GRK3: variants seen among roughly 807,000 people sequenced by gnomAD.
The protein encoded by GRK3 is G protein-coupled receptor kinase 3, also known as adrenergic, beta, receptor kinase 2.
Under a neutral mutation model 95.7 loss-of-function variants are expected in GRK3, and 54 were observed. The ratio of observed to expected loss-of-function variants is 0.56; its 90% CI spans 0.45 to 0.71. GRK3 has a LOEUF of 0.71. Ranked by LOEUF, GRK3 falls within the 30% of genes least tolerant of loss-of-function variation. The pLI, the probability that GRK3 is intolerant of heterozygous loss-of-function variation, is 0.00. For missense variants in GRK3, 649 were observed against 851.2 expected (o/e 0.76, Z 2.96); for synonymous variants, 281 against 290.8 (o/e 0.97, Z 0.34).
At chr22:25,683,664 G>A (rs1433530790) in intron 9 of GRK3, among the ~76,000 whole-genome samples, 5 of 152,180 alleles carry the variant, frequency 3.3e-5, no homozygotes, top group African/African-American at 1.2e-4. Flanking sequence ...TGGGGGCTAT[G>A]TGGTATCCTC....
At chr22:25,677,430 A>T (rs567792187) in intron 8 of GRK3, among the ~76,000 whole-genome samples, 1 of 151,408 alleles carries the variant, frequency 6.6e-6, no homozygotes, top group Non-Finnish European at 1.5e-5. Flanking sequence ...AAAGAAATCA[A>T]CTCCACATGG....
chr22:25,690,186 T>C lies in GRK3; in HGVS notation c.958-3T>C. On this transcript the variant is annotated splice_region_variant and splice_polypyrimidine_tract_variant and intron_variant, in intron 11 of 20. Transcript: ENST00000324198. ...TATTAAAGATTATTCTCTTTCTGTT[T>C]AGCCAGCAAATATTCTCTTGGATGA... The C allele has an allele frequency of 6.2e-7, 1 of 1,612,316 alleles. No individual in the cohort carries two copies. Among genetic ancestry groups the C allele is most frequent in the South Asian group, 1.1e-5 (1 of 90,946 alleles).
At chr22:25,662,096 A>AT (rs879283766) in intron 4 of GRK3, among the ~76,000 whole-genome samples, 7 of 152,184 alleles carry the variant, frequency 4.6e-5, no homozygotes, top group Admixed American at 6.5e-5. Flanking sequence ...CATTGTGTTA[A>AT]TTTTGTCCAT....
At chr22:25,579,719 G>A (rs1048781841) in intron 1 of GRK3, among the ~76,000 whole-genome samples, 1 of 151,860 alleles carries the variant, frequency 6.6e-6, no homozygotes, top group Non-Finnish European at 1.5e-5. Flanking sequence ...TGATCTGCCC[G>A]CCTCAGCCTC....
chr22:25,625,397 G>A (rs572314218), intron 2 of GRK3, among the ~76,000 whole-genome samples: 4 of 152,314 alleles, frequency 2.6e-5, no homozygotes, highest in Admixed American at 6.5e-5. Flanking sequence ...ACAAGAGTGC[G>A]AACTTTCTGT....
chr22:25,688,880 T>A (rs904100088), intron 11 of GRK3, among the ~76,000 whole-genome samples: 2 of 152,264 alleles, frequency 1.3e-5, no homozygotes, highest in Non-Finnish European at 1.5e-5. Flanking sequence ...ATGATGGGAC[T>A]GACAATTTGC....
At chr22:25,702,309 G>A (rs1211543915) in intron 13 of GRK3, among the ~76,000 whole-genome samples, 3 of 152,334 alleles carry the variant, frequency 2.0e-5, no homozygotes, top group East Asian at 3.9e-4. Context: ...GTAGCAGTAA[G>A]TAGCAGTGCA....
chr22:25,663,860 C>T (rs1027770376), intron 5 of GRK3, among the ~76,000 whole-genome samples, 156 bp downstream of exon 5: 14 of 152,170 alleles, frequency 9.2e-5, no homozygotes, highest in African/African-American at 2.2e-4. Flanking sequence ...AGTTTATTAT[C>T]GCTTATCTTC....
At chr22:25,647,044 GAAAAA>G (rs1363706198) in intron 3 of GRK3, among the ~76,000 whole-genome samples, 7 of 124,288 alleles carry the variant, frequency 5.6e-5, no homozygotes, top group Admixed American at 3.1e-4. Context: ...AAAAAAAAAA[GAAAAA>G]GAAAAAAAAT....
Position 25,629,542 on chromosome 22 carries a change from T to C in GRK3, c.191-15050T>C, listed in dbSNP as rs534643092. On this transcript the variant is annotated intron_variant, in intron 2 of 20. Coordinates refer to ENST00000324198, the MANE Select transcript of GRK3 (RefSeq NM_005160.4). ...GCCATTAAGAAATCACTGTGATGACTTCGATGTCTTTTCTCCCAACTCTAT... is the reference window on the plus strand; with the variant it reads ...GCCATTAAGAAATCACTGTGATGACCTCGATGTCTTTTCTCCCAACTCTAT... Among the ~76,000 whole-genome samples the C allele has an allele frequency of 3.3e-3, 497 of 152,354 alleles. 3 individuals are homozygous for C. The highest frequency in any genetic ancestry group is 6.1e-3 in the Non-Finnish European group (418 of 68,030).
chr22:25,682,385 C>G (rs902516417), intron 9 of GRK3, among the ~76,000 whole-genome samples: 1 of 152,018 alleles, frequency 6.6e-6, no homozygotes, highest in Non-Finnish European at 1.5e-5. Context: ...CATGGAGGCT[C>G]GGAGATAGGG....
chr22:25,641,433 C>G (rs2084742050), intron 2 of GRK3, among the ~76,000 whole-genome samples: 1 of 152,174 alleles, frequency 6.6e-6, no homozygotes, highest in Non-Finnish European at 1.5e-5. Flanking sequence ...AGTCAATGCT[C>G]TTGTGCAAAT....
chr22:25,636,619 A>G (rs2084703357), intron 2 of GRK3, among the ~76,000 whole-genome samples: 1 of 152,192 alleles, frequency 6.6e-6, no homozygotes, highest in African/African-American at 2.4e-5. Context: ...TTTAATTCTG[A>G]TAAATGTATT....
intron 3 of GRK3, among the ~76,000 whole-genome samples, chr22:25,647,020 C>CAA (rs1025786169): frequency 0.011 from 578 of 51,688 alleles, 13 homozygotes; most frequent in African/African-American, 0.02. Flanking sequence ...GACTTTGTCT[C>CAA]AAAAAAAAAA....
chr22:25,597,442 A>G (rs1375886922), intron 1 of GRK3, among the ~76,000 whole-genome samples: 1 of 152,220 alleles, frequency 6.6e-6, no homozygotes, highest in African/African-American at 2.4e-5. Context: ...GAAGGAGAAC[A>G]TTGAATGTTC....
At chr22:25,600,325 A>T (rs1375777804) in intron 1 of GRK3, among the ~76,000 whole-genome samples, 3 of 152,064 alleles carry the variant, frequency 2.0e-5, no homozygotes, top group African/African-American at 7.2e-5. Context: ...TTTGTAGTAA[A>T]GACAGGGTTT....
intron 5 of GRK3, among the ~76,000 whole-genome samples, chr22:25,666,623 C>T (rs2084943710): frequency 6.6e-6 from 1 of 152,092 alleles, no homozygotes; most frequent in East Asian, 1.9e-4. Flanking sequence ...AGCGTCCTTT[C>T]TGCTTGCAGG....
intron 2 of GRK3, among the ~76,000 whole-genome samples, chr22:25,629,474 C>T (rs1307435443): frequency 2.0e-5 from 3 of 152,188 alleles, no homozygotes; most frequent in Admixed American, 2.0e-4. Context: ...ACTAGTTTCT[C>T]CCATCTTTTC....
Position 25,593,439 on chromosome 22 carries a change from G to A in GRK3, c.114-10938G>A, listed in dbSNP as rs555848071. 6.6e-5 allele frequency among the ~76,000 whole-genome samples: 10 copies of A among 151,506 alleles called. No individual in the cohort carries two copies. In the South Asian group the frequency reaches 1.3e-3, roughly 19 times the overall value. On this transcript the variant is annotated intron_variant, in intron 1 of 20. Transcript: ENST00000324198. Reference sequence around the variant, plus strand: ...GTATCTCATGGTGGTTTTGATTTACGTTTCTGTGATGATTAGTGATTTTGA... The same window carrying A: ...GTATCTCATGGTGGTTTTGATTTACATTTCTGTGATGATTAGTGATTTTGA...
Sources: gnomAD v4.1 joint callset for allele counts (sites outside exome capture counted in the v4.1 genomes callset) on GRCh38, gnomAD v4.1.1 for gene constraint, MANE v1.5 for transcripts, NCBI Gene and HGNC (gene_info 2026-07-23, HGNC 2026-07-21) for gene names.